PHF8: variants seen among roughly 807,000 people sequenced by gnomAD.
The protein encoded by PHF8 is histone lysine demethylase PHF8.
A neutral mutation model predicts 74.4 loss-of-function variants in PHF8; 9 were observed. That is an observed-to-expected ratio of 0.12 (90% CI 0.07 to 0.21). The LOEUF is 0.21. Ranked by LOEUF, PHF8 falls within the 10% of genes least tolerant of loss-of-function variation. The pLI, the probability that PHF8 is intolerant of heterozygous loss-of-function variation, is 1.00. For synonymous variants in PHF8, 311 were observed against 316.6 expected, an observed-to-expected ratio of 0.98 and a Z score of 0.19; for missense variants, 478 against 816.6, an observed-to-expected ratio of 0.59 and a Z score of 5.05.
chrX:53,962,230 C>T (rs2149795819), intron 19 of PHF8, among the ~76,000 whole-genome samples: 1 of 112,056 alleles, frequency 8.9e-6, no homozygotes, highest in East Asian at 2.8e-4. Flanking sequence ...AGCCAACCTA[C>T]AGAATTATGA....
At chrX:53,995,412 G>A (rs1402133378) in intron 12 of PHF8, among the ~76,000 whole-genome samples, 1 of 112,060 alleles carries the variant, frequency 8.9e-6, no homozygotes, top group Admixed American at 9.5e-5. Context: ...CCCCATTTTA[G>A]AGATGAGGAA....
chrX:53,995,198 C>A (rs1306950406), intron 12 of PHF8: 2 of 342,094 alleles, frequency 5.8e-6, no homozygotes, highest in Admixed American at 6.2e-5. Flanking sequence ...ATCTTCACCC[C>A]GAGAGAACTG....
At chrX:54,018,638 G>C (rs1318539814) in intron 4 of PHF8, among the ~76,000 whole-genome samples, 13 of 91,545 alleles carry the variant, frequency 1.4e-4, no homozygotes, top group Non-Finnish European at 2.8e-4. Flanking sequence ...TTTTTTTTTT[G>C]AGACAGAGTT....
Position 53,938,354 on chromosome X carries a change from C to T in PHF8, c.*804G>A. The T allele has an allele frequency of 1.1e-6, 1 of 933,074 alleles. No homozygotes were observed. The highest frequency in any genetic ancestry group is 4.1e-5 in the South Asian group (1 of 24,208). The allele number at this position is 933,074 out of a possible 1,213,427, so 76.9% of individuals were successfully genotyped here. ...CCACAGCCACGTGGATAATGTTCTA[C>T]ATGATTTCAAAATCCAGGCAAATCC... On this transcript the variant is annotated 3_prime_UTR_variant, in exon 22 of 22. Transcript: ENST00000338154.
intron 6 of PHF8, among the ~76,000 whole-genome samples, chrX:54,015,118 A>C (rs910946958): frequency 9.3e-6 from 1 of 107,029 alleles, no homozygotes; most frequent in Middle Eastern, 4.4e-3. Flanking sequence ...CACCACATGC[A>C]TTCTATTTCC....
Position 53,940,534 on chromosome X carries a change from TAGG to T in PHF8, c.2650-21_2650-19del. 3.7e-6 allele frequency: 4 copies of T among 1,086,128 alleles called. No homozygotes were observed. The highest frequency in any genetic ancestry group is 5.1e-6 in the Non-Finnish European group (4 of 785,651). The allele number at this position is 1,086,128 out of a possible 1,213,427, so 89.5% of individuals were successfully genotyped here. On this transcript the variant is annotated intron_variant, in intron 20 of 21. Transcript: ENST00000338154. ...TGTAGCTCCTGAAACACAAGCCAAG[TAGG>T]AGGAGAGATTAAGGAGTGAAGAAGA...
rs781986463 is a variant in PHF8, at chrX:53,938,815, C to T, written c.*343G>A. 2.4e-4 allele frequency: 195 copies of T among 810,689 alleles called. No homozygotes were observed. Among genetic ancestry groups the T allele is most frequent in the Non-Finnish European group, 2.8e-4 (189 of 676,598 alleles). The allele number at this position is 810,689 out of a possible 1,213,427, so 66.8% of individuals were successfully genotyped here. ...TGGCTCAGGCTCCTTCATACCTCTCCTCATCCTGCCTTCCAGCTCTAGCGG... is the reference window on the plus strand; with the variant it reads ...TGGCTCAGGCTCCTTCATACCTCTCTTCATCCTGCCTTCCAGCTCTAGCGG... On this transcript the variant is annotated 3_prime_UTR_variant, in exon 22 of 22. Coordinates refer to ENST00000338154, the MANE Select transcript of PHF8 (RefSeq NM_015107.3).
At chrX:54,010,738 G>C (rs1428925367) in intron 8 of PHF8, among the ~76,000 whole-genome samples, 4 of 111,153 alleles carry the variant, frequency 3.6e-5, no homozygotes, top group African/African-American at 9.8e-5. Context: ...AATTCTAAGA[G>C]TGAAGCCCAG....
At chrX:53,958,759 G>C (rs781857944) in intron 19 of PHF8, among the ~76,000 whole-genome samples, 1 of 77,243 alleles carries the variant, frequency 1.3e-5, no homozygotes, top group Non-Finnish European at 2.3e-5. Flanking sequence ...CTGGGCGACA[G>C]AGCAAGACTC....
chrX:53,990,868 T>C (rs190241536), intron 14 of PHF8, among the ~76,000 whole-genome samples: 181 of 111,986 alleles, frequency 1.6e-3, no homozygotes, highest in African/African-American at 5.5e-3. Context: ...CTGACAATCT[T>C]CTTGGATTCT....
intron 18 of PHF8, among the ~76,000 whole-genome samples, chrX:53,977,882 G>A (rs782133404): frequency 2.8e-5 from 3 of 107,323 alleles, no homozygotes; most frequent in South Asian, 4.1e-4. Flanking sequence ...TCCTGACCTC[G>A]TGATCCACCC....
At chrX:53,977,990 G>T (rs2065412121) in intron 18 of PHF8, among the ~76,000 whole-genome samples, 1 of 90,300 alleles carries the variant, frequency 1.1e-5, no homozygotes, top group Non-Finnish European at 2.1e-5. Flanking sequence ...TGTCCCCCCA[G>T]GCTGGAGTGC....
upstream of PHF8, among the ~76,000 whole-genome samples, chrX:54,046,243 T>A (rs909173517): frequency 9.0e-6 from 1 of 111,031 alleles, no homozygotes; most frequent in Admixed American, 9.6e-5. Context: ...CCAGGTTTAA[T>A]GGGACCTGAA....
intron 18 of PHF8, among the ~76,000 whole-genome samples, chrX:53,972,524 C>A (rs1557094952): frequency 9.0e-6 from 1 of 110,823 alleles, no homozygotes; most frequent in Non-Finnish European, 1.9e-5. Flanking sequence ...TAATTCATCA[C>A]ATAAACAGAA....
At position 54,043,954 on chromosome X, in the gene PHF8, G is replaced by A. The variant is rs932292250; in HGVS notation, c.-285C>T. 6.6e-6 allele frequency: 5 copies of A among 754,034 alleles called. No individual in the cohort carries two copies. The African/African-American group carries it at 1.1e-4, about 17-fold the overall frequency. The allele number at this position is 754,034 out of a possible 1,213,427, so 62.1% of individuals were successfully genotyped here. A position where few individuals can be genotyped will look rare whatever the true frequency, so the allele number is the denominator to read the frequency against. On this transcript the variant is annotated 5_prime_UTR_variant, in exon 1 of 22. Transcript: ENST00000338154. The stretch of plus-strand genomic sequence containing the variant: ...GGGACTGCGAAGCGCCTCAGCGGAG[G>A]CTCGTCCGGTAGTTCCGGCCCCTAC...
At chrX:53,974,024 C>T (rs1257599052) in intron 18 of PHF8, among the ~76,000 whole-genome samples, 4 of 111,259 alleles carry the variant, frequency 3.6e-5, no homozygotes, top group African/African-American at 1.3e-4. Flanking sequence ...CTTTGGGGGG[C>T]TGAGGCGGGC....
At chrX:54,043,638 T>C in intron 1 of PHF8, 124 bp downstream of exon 1, 1 of 135,613 alleles carries the variant, frequency 7.4e-6, no homozygotes, top group Non-Finnish European at 1.3e-5. Context: ...GCTCGGAAAC[T>C]GGCAGCGTTT....
chrX:53,962,803 G>A (rs2065124631), intron 19 of PHF8, 41 bp downstream of exon 19: 2 of 756,076 alleles, frequency 2.6e-6, no homozygotes, highest in Non-Finnish European at 4.2e-6. Context: ...ATTTCCTCCT[G>A]ACCACCCCTA....
intron 3 of PHF8, 146 bp downstream of exon 3, chrX:54,022,612 G>A (rs1045771948): frequency 1.6e-5 from 8 of 495,248 alleles, no homozygotes; most frequent in Non-Finnish European, 2.8e-5. Context: ...GATAGGTGCT[G>A]GCCTGTGGAG....
Sources: allele counts gnomAD v4.1 joint callset (sites outside exome capture counted in the v4.1 genomes callset), GRCh38; gene constraint gnomAD v4.1.1; transcripts MANE v1.5; gene names NCBI Gene and HGNC (gene_info 2026-07-23, HGNC 2026-07-21).